Variants in C5orf47 observed in about 807,000 individuals in gnomAD.
C5orf47 encodes chromosome 5 open reading frame 47, also known as uncharacterized protein C5orf47.
A neutral mutation model predicts 20.6 loss-of-function variants in C5orf47; 20 were observed. The observed-to-expected ratio is 0.97, with a 90% CI of 0.68 to 1.41. The LOEUF is 1.41. Ranked by LOEUF, C5orf47 falls within the 40% of genes most tolerant of loss-of-function variation. The pLI, the probability that C5orf47 is intolerant of heterozygous loss-of-function variation, is 0.00. For missense variants in C5orf47, 262 were observed against 238.4 expected (o/e 1.10, Z -0.65); for synonymous variants, 106 against 97.3 (o/e 1.09, Z -0.53).
At chr5:173,992,364 G>A (rs1400960099) in intron 1 of C5orf47, among the ~76,000 whole-genome samples, 2 of 151,880 alleles carry the variant, frequency 1.3e-5, no homozygotes, top group Admixed American at 1.3e-4. Flanking sequence ...AGTGAGCTAT[G>A]ATATGGCCTT....
At chr5:174,000,031 G>A (rs538795067) in intron 3 of C5orf47, among the ~76,000 whole-genome samples, 1 of 152,154 alleles carries the variant, frequency 6.6e-6, no homozygotes, top group Admixed American at 6.5e-5. Flanking sequence ...TGTAGAAGGT[G>A]TGTGTTGACT....
chr5:173,989,615 G>C (rs773960834), intron 1 of C5orf47, 27 bp downstream of exon 1: 13 of 1,386,502 alleles, frequency 9.4e-6, no homozygotes, highest in Middle Eastern at 2.0e-4. Flanking sequence ...GGGCGGGACC[G>C]GGCGCGGCGG....
Position 173,998,338 on chromosome 5 carries a change from T to C in C5orf47, c.411+100T>C, listed in dbSNP as rs908313559. ...ATTCAAGACAGTGAAAATAGTACCA[T>C]CTTTTGAATAATTTAATTTTCTGAA... is the stretch of plus-strand genomic sequence containing the variant. On this transcript the variant is annotated intron_variant, in intron 2 of 4. Transcript: ENST00000340147. 1.8e-5 allele frequency: 11 copies of C among 611,218 alleles called. No homozygotes were observed. The African/African-American group carries it at 1.9e-4, about 11-fold the overall frequency. 37.9% of individuals were successfully genotyped at this position (611,218 alleles called of 1,614,324 possible).
chr5:173,995,318 G>T (rs1226928038), intron 1 of C5orf47, among the ~76,000 whole-genome samples: 2 of 152,176 alleles, frequency 1.3e-5, no homozygotes, highest in Non-Finnish European at 2.9e-5. Flanking sequence ...TAGTAGATAT[G>T]AGTGTTGTAA....
Position 174,005,142 on chromosome 5 carries a change from G to GA in C5orf47, c.*891dup, listed in dbSNP as rs1167379889. ...TAGGTGGAACTGGAAACTTAGGAGG[G>GA]AAAGACAAAATGAGGCTTGTTCATG... is the stretch of plus-strand genomic sequence containing the variant. On this transcript the variant is annotated 3_prime_UTR_variant, in exon 5 of 5. Coordinates refer to ENST00000340147, the MANE Select transcript of C5orf47 (RefSeq NM_001144954.2). The GA allele has an allele frequency of 1.3e-5, 2 of 152,104 alleles. No individual in the cohort carries two copies. Among genetic ancestry groups the GA allele is most frequent in the African/African-American group, 4.8e-5 (2 of 41,408 alleles). 9.4% of individuals were successfully genotyped at this position (152,104 alleles called of 1,614,324 possible). A position where few individuals can be genotyped will look rare whatever the true frequency, so the allele number is the denominator to read the frequency against.
chr5:173,989,221 G>A lies in C5orf47; in HGVS notation c.-43G>A, dbSNP rs1051394825. ...CAGTGGGCAGTCTGGCGCCTGTGGC[G>A]TCGTGTTTGCTGAGGGCCCGGCTGC... On this transcript the variant is annotated 5_prime_UTR_variant, in exon 1 of 5. Transcript: ENST00000340147. 9.5e-6 allele frequency: 13 copies of A among 1,362,198 alleles called. No individual in the cohort carries two copies. Among genetic ancestry groups the A allele is most frequent in the Admixed American group, 3.6e-5 (1 of 27,810 alleles). 84.4% of individuals were successfully genotyped at this position (1,362,198 alleles called of 1,614,324 possible). A position where few individuals can be genotyped will look rare whatever the true frequency, so the allele number is the denominator to read the frequency against.
intron 4 of C5orf47, among the ~76,000 whole-genome samples, chr5:174,003,115 A>G (rs1277002205): frequency 6.6e-6 from 1 of 152,048 alleles, no homozygotes; most frequent in Non-Finnish European, 1.5e-5. Context: ...TATAGTTACT[A>G]TTTTTTCTTT....
downstream of C5orf47, among the ~76,000 whole-genome samples, chr5:174,009,462 G>A (rs1759340925): frequency 6.9e-6 from 1 of 145,770 alleles, no homozygotes; most frequent in Non-Finnish European, 1.6e-5. Context: ...TCTACTATAT[G>A]CATTTGGTGT....
intron 1 of C5orf47, among the ~76,000 whole-genome samples, chr5:173,995,465 A>G (rs1759072790): frequency 6.6e-6 from 1 of 152,218 alleles, no homozygotes. Flanking sequence ...GAAGTCAGAA[A>G]GACATAATCC....
In C5orf47 at chr5:173,989,552, A is replaced by G. The variant is rs949866113; in HGVS notation, c.289A>G (p.Arg97Gly). 2 of 1,511,530 alleles carry G rather than the reference A, an allele frequency of 1.3e-6. No individual in the cohort carries two copies. The highest frequency in any genetic ancestry group is 8.8e-7 in the Non-Finnish European group (1 of 1,130,048). The allele number at this position is 1,511,530 out of a possible 1,614,324, so 93.6% of individuals were successfully genotyped here. A position where few individuals can be genotyped will look rare whatever the true frequency, so the allele number is the denominator to read the frequency against. ...ASASSQLRAS[R>G]VQSGTRQSAR... Reference sequence around the variant, plus strand: ...TGCCTCCTCCCAGCTGCGGGCATCGAGAGTTCAGAGCGGCACCAGACAGTC... The same window carrying G: ...TGCCTCCTCCCAGCTGCGGGCATCGGGAGTTCAGAGCGGCACCAGACAGTC... The change falls in exon 1 of 5, where the codon AGA becomes GGA. Residue 97 changes from arginine (R) to glycine (G), a missense_variant. Coordinates refer to ENST00000340147, the MANE Select transcript of C5orf47 (RefSeq NM_001144954.2).
chr5:174,001,325 C>A (rs999522856), intron 4 of C5orf47, 94 bp downstream of exon 4: 4 of 703,924 alleles, frequency 5.7e-6, no homozygotes, highest in Non-Finnish European at 2.4e-6. Flanking sequence ...TATAACCAAT[C>A]ATTGCTAATT....
intron 3 of C5orf47, 25 bp downstream of exon 3, chr5:173,999,824 A>G (rs1759164459): frequency 3.9e-6 from 5 of 1,283,090 alleles, no homozygotes; most frequent in Non-Finnish European, 5.5e-6. Flanking sequence ...TTTTTATTGT[A>G]TTAAAAAGAC....
intron 2 of C5orf47, among the ~76,000 whole-genome samples, chr5:173,999,322 A>C (rs2113369285): frequency 6.6e-6 from 1 of 152,302 alleles, no homozygotes; most frequent in East Asian, 1.9e-4. Context: ...TATGTTTAAA[A>C]AATCAAATCA....
Position 173,989,469 on chromosome 5 carries a change from T to C in C5orf47, c.206T>C (p.Leu69Pro), listed in dbSNP as rs910808740. The C allele has an allele frequency of 6.5e-7, 1 of 1,549,330 alleles. No individual in the cohort carries two copies. The highest frequency in any genetic ancestry group is 1.2e-5 in the South Asian group (1 of 83,730). The change falls in exon 1 of 5, where the codon CTG (leucine) becomes CCG (proline). Residue 69 changes from leucine (L) to proline (P), a missense_variant. Physicochemically the swap from Leu to Pro is moderately conservative, Grantham distance 98. Transcript: ENST00000340147. ...AVAGVQGGSE[L>P]PLGSQLRVPT... Reference sequence around the variant, plus strand: ...GCGGGCGTTCAGGGTGGCAGCGAGCTGCCCCTCGGTTCCCAGCTCAGGGTC... The same window carrying C: ...GCGGGCGTTCAGGGTGGCAGCGAGCCGCCCCTCGGTTCCCAGCTCAGGGTC...
chr5:173,994,188 T>G (rs1360893409), intron 1 of C5orf47, among the ~76,000 whole-genome samples: 2 of 152,202 alleles, frequency 1.3e-5, no homozygotes, highest in Admixed American at 1.3e-4. Context: ...TCGTGGAGAA[T>G]GCAGACCTTA....
At position 173,989,320 on chromosome 5, in the gene C5orf47, G is replaced by A; in HGVS notation, c.57G>A (p.Thr19=). The A allele has an allele frequency of 7.0e-7, 1 of 1,420,122 alleles. No individual in the cohort carries two copies. 88.0% of individuals were successfully genotyped at this position (1,420,122 alleles called of 1,614,324 possible). A position where few individuals can be genotyped will look rare whatever the true frequency, so the allele number is the denominator to read the frequency against. The change falls in exon 1 of 5, where the codon ACG becomes ACA. Residue 19 remains threonine (T), a synonymous_variant. Coordinates refer to ENST00000340147, the MANE Select transcript of C5orf47 (RefSeq NM_001144954.2). ...ACTCGGCGCGCTTCGTCTATGTGAC[G>A]CGCTTCGGCTCGCATCAGTGCAGTG... is the stretch of plus-strand genomic sequence containing the variant. The part of the protein sequence containing the change: ...EQDSARFVYV[T]RFGSHQCSGV...
intron 3 of C5orf47, among the ~76,000 whole-genome samples, chr5:174,000,667 G>A (rs1411121528): frequency 6.6e-6 from 1 of 152,088 alleles, no homozygotes; most frequent in Non-Finnish European, 1.5e-5. Flanking sequence ...TTTGCAAGCA[G>A]TGGAAACTTA....
intron 1 of C5orf47, among the ~76,000 whole-genome samples, chr5:173,997,819 A>T (rs893196468): frequency 1.3e-5 from 2 of 152,150 alleles, no homozygotes; most frequent in Non-Finnish European, 2.9e-5. Flanking sequence ...CACTGAGAAG[A>T]ATGGAGACTG....
intron 1 of C5orf47, among the ~76,000 whole-genome samples, chr5:173,996,360 T>C (rs929374521): frequency 6.6e-6 from 1 of 152,224 alleles, no homozygotes; most frequent in Non-Finnish European, 1.5e-5. Flanking sequence ...ATATGTCTTT[T>C]TTCTTTTTCA....
Sources: gnomAD v4.1 joint callset for allele counts (sites outside exome capture counted in the v4.1 genomes callset) on GRCh38, gnomAD v4.1.1 for gene constraint, MANE v1.5 for transcripts, NCBI Gene and HGNC (gene_info 2026-07-23, HGNC 2026-07-21) for gene names.